PKHD1: variants seen among roughly 807,000 people sequenced by gnomAD.
PKHD1 encodes fibrocystin.
In PKHD1, 291 loss-of-function variants were observed where a neutral mutation model predicts 412.0. The observed-to-expected ratio is 0.71, with a 90% CI of 0.64 to 0.78. PKHD1 has a LOEUF of 0.78. Among genes scored for constraint, PKHD1 ranks in the 30% least tolerant of loss-of-function variants. The probability of loss-of-function intolerance (pLI) is 0.00; values close to 1 mark genes in which losing one functional copy is unlikely to be tolerated. For synonymous variants in PKHD1, 1,777 were observed against 1,821.5 expected (o/e 0.98, Z 0.62); for missense variants, 4,825 against 4,950.7 (o/e 0.97, Z 0.76).
At chr6:51,832,857 A>C (rs1768507312) in intron 51 of PKHD1, among the ~76,000 whole-genome samples, 1 of 152,168 alleles carries the variant, frequency 6.6e-6, no homozygotes, top group Non-Finnish European at 1.5e-5. Context: ...AAAAGTATAT[A>C]GATTGTGGTC....
intron 60 of PKHD1, among the ~76,000 whole-genome samples, chr6:51,663,645 A>G (rs773919158): frequency 1.3e-5 from 2 of 152,116 alleles, no homozygotes; most frequent in Non-Finnish European, 2.9e-5. Context: ...CAAAATTCCT[A>G]TTCTTCAAAT....
chr6:51,823,910 G>A (rs1379825782), intron 52 of PKHD1, among the ~76,000 whole-genome samples: 3 of 152,046 alleles, frequency 2.0e-5, no homozygotes, highest in Non-Finnish European at 4.4e-5. Flanking sequence ...GCCTCAAAGT[G>A]TTTTGTCTCA....
rs183655255 is a variant in PKHD1 at position 51,636,579 on chromosome 6, C to G, written c.11506+2270G>C. Among the ~76,000 whole-genome samples the G allele has an allele frequency of 7.3e-3, 1,116 of 151,936 alleles. 15 individuals carry two copies. Among genetic ancestry groups the G allele is most frequent in the African/African-American group, 0.025 (1,041 of 41,302 alleles). On this transcript the variant is annotated intron_variant, in intron 64 of 66. Transcript: ENST00000371117. ...AAAATAACAACAACAACAACAAACA[C>G]ACACACACACACAAAACAACAAAAG...
intron 63 of PKHD1, among the ~76,000 whole-genome samples, chr6:51,643,928 T>C (rs1210147813): frequency 6.6e-6 from 1 of 151,940 alleles, no homozygotes; most frequent in Non-Finnish European, 1.5e-5. Context: ...ACATTTGGTG[T>C]CTTAATAAGT....
At chr6:52,019,195 C>A (rs766584461) in intron 33 of PKHD1, among the ~76,000 whole-genome samples, 1 of 152,214 alleles carries the variant, frequency 6.6e-6, no homozygotes, top group African/African-American at 2.4e-5. Flanking sequence ...GCTTCCTCTG[C>A]AGCAAGCCTG....
At chr6:51,792,360 T>G (rs1239875979) in intron 52 of PKHD1, among the ~76,000 whole-genome samples, 1 of 152,256 alleles carries the variant, frequency 6.6e-6, no homozygotes, top group Non-Finnish European at 1.5e-5. Flanking sequence ...TAAGGAATTC[T>G]TTTGTTAGTA....
chr6:51,791,211 T>C, intron 53 of PKHD1, 25 bp downstream of exon 53: 1 of 1,610,920 alleles, frequency 6.2e-7, no homozygotes, highest in Non-Finnish European at 8.5e-7. Flanking sequence ...CTCAACATGC[T>C]CGCAATCCTT....
At chr6:51,741,325 C>T (rs1784522987) in intron 60 of PKHD1, among the ~76,000 whole-genome samples, 1 of 152,186 alleles carries the variant, frequency 6.6e-6, no homozygotes, top group Admixed American at 6.5e-5. Context: ...AAGGCTGCTA[C>T]CACAAAACCT....
At chr6:51,886,848 G>C (rs1341102216) in intron 44 of PKHD1, among the ~76,000 whole-genome samples, 1 of 152,158 alleles carries the variant, frequency 6.6e-6, no homozygotes, top group African/African-American at 2.4e-5. Flanking sequence ...TTCAAATAAA[G>C]AGGCTCTGGA....
At chr6:52,035,518 G>C in intron 28 of PKHD1, 73 bp downstream of exon 28, 1 of 1,312,728 alleles carries the variant, frequency 7.6e-7, no homozygotes, top group Non-Finnish European at 1.1e-6. Flanking sequence ...TCTAAGAAGT[G>C]ATTCACTGAA....
intron 60 of PKHD1, among the ~76,000 whole-genome samples, chr6:51,695,526 G>T (rs2150665674): frequency 6.6e-6 from 1 of 152,226 alleles, no homozygotes; most frequent in South Asian, 2.1e-4. Flanking sequence ...TTATTAAATT[G>T]GTAGGAATCA....
chr6:51,936,213 G>A (rs1787454466), intron 36 of PKHD1, among the ~76,000 whole-genome samples: 1 of 152,172 alleles, frequency 6.6e-6, no homozygotes, highest in African/African-American at 2.4e-5. Flanking sequence ...TCTGATTTAA[G>A]TGCCTCTATT....
chr6:51,919,707 A>G (rs1784391737), intron 37 of PKHD1, among the ~76,000 whole-genome samples: 2 of 152,134 alleles, frequency 1.3e-5, no homozygotes, highest in Non-Finnish European at 2.9e-5. Context: ...TGAATCTATA[A>G]CTTACCTTGG....
chr6:51,667,559 A>T (rs1774047420), intron 60 of PKHD1, among the ~76,000 whole-genome samples: 1 of 151,850 alleles, frequency 6.6e-6, no homozygotes, highest in African/African-American at 2.4e-5. Context: ...ATTAGATCCC[A>T]TTTGTCCATT....
chr6:51,925,049 C>T (rs115292703), intron 37 of PKHD1, among the ~76,000 whole-genome samples: 1,773 of 152,254 alleles, frequency 0.012, 35 homozygotes, highest in African/African-American at 0.04. Flanking sequence ...AGCTAGTTCA[C>T]GGTAGAGATG....
Position 51,885,840 on chromosome 6 carries a change from A to C in PKHD1, c.7215+27T>G, listed in dbSNP as rs1583196877. 7.1e-6 allele frequency: 10 copies of C among 1,409,338 alleles called. No homozygotes were observed. The East Asian group carries it at 2.3e-4, about 32-fold the overall frequency. The allele number at this position is 1,409,338 out of a possible 1,614,324, so 87.3% of individuals were successfully genotyped here. A position where few individuals can be genotyped will look rare whatever the true frequency, so the allele number is the denominator to read the frequency against. ...CAGTTTTAATTTTAAAAACAACAACAATAACAACAACAACAAAAAAGCTTA... is the reference window on the plus strand; with the variant it reads ...CAGTTTTAATTTTAAAAACAACAACCATAACAACAACAACAAAAAAGCTTA... On this transcript the variant is annotated intron_variant, in intron 45 of 66. Coordinates refer to ENST00000371117, the MANE Select transcript of PKHD1 (RefSeq NM_138694.4).
chr6:51,635,858 T>TGGGGGGGGGGGG (rs1189431938), intron 64 of PKHD1, among the ~76,000 whole-genome samples: 4 of 16,320 alleles, frequency 2.5e-4, no homozygotes, highest in Non-Finnish European at 3.7e-4. Context: ...GTGGTGAAGG[T>TGGGGGGGGGGGG]GGGGGGGGGC....
intron 64 of PKHD1, among the ~76,000 whole-genome samples, chr6:51,638,638 G>C (rs1768901733): frequency 6.6e-6 from 1 of 152,176 alleles, no homozygotes; most frequent in South Asian, 2.1e-4. Flanking sequence ...TGTACATTTG[G>C]TTTCTTGCTC....
chr6:51,711,392 G>A (rs1780647657), intron 60 of PKHD1, among the ~76,000 whole-genome samples: 1 of 152,210 alleles, frequency 6.6e-6, no homozygotes, highest in Admixed American at 6.5e-5. Flanking sequence ...TTCAGGACAA[G>A]AAGAAGCCAT....
Sources: gnomAD v4.1 joint callset for allele counts (sites outside exome capture counted in the v4.1 genomes callset) on GRCh38, gnomAD v4.1.1 for gene constraint, MANE v1.5 for transcripts, NCBI Gene and HGNC (gene_info 2026-07-23, HGNC 2026-07-21) for gene names.